HDC: variants seen among roughly 807,000 people sequenced by gnomAD.
The protein encoded by HDC is histidine decarboxylase.
HDC carries 27 observed loss-of-function variants against 64.4 expected under a neutral mutation model. The ratio of observed to expected loss-of-function variants is 0.42; its 90% CI spans 0.31 to 0.58. The LOEUF is 0.58. Among genes scored for constraint, HDC ranks in the 20% least tolerant of loss-of-function variants. The pLI is 0.16. For missense variants in HDC, 711 were observed against 833.9 expected (o/e 0.85, Z 1.81); for synonymous variants, 305 against 314.2 (o/e 0.97, Z 0.31).
At chr15:50,250,511 T>C (rs998304642) in intron 9 of HDC, among the ~76,000 whole-genome samples, 4 of 152,124 alleles carry the variant, frequency 2.6e-5, no homozygotes, top group Non-Finnish European at 5.9e-5. Flanking sequence ...GAGAGCACTG[T>C]AAAATCTCCA....
intron 9 of HDC, among the ~76,000 whole-genome samples, chr15:50,250,569 T>C (rs144086709): frequency 6.6e-6 from 1 of 152,138 alleles, no homozygotes; most frequent in Non-Finnish European, 1.5e-5. Context: ...CTGTGGTAAA[T>C]GAATTTAAAC....
chr15:50,257,356 A>G, intron 4 of HDC, 69 bp downstream of exon 4: 1 of 1,601,572 alleles, frequency 6.2e-7, no homozygotes, highest in Non-Finnish European at 8.6e-7. Flanking sequence ...GAGAATTGCC[A>G]GGTTAGGGTT....
At chr15:50,253,987 T>C in intron 6 of HDC, 143 bp downstream of exon 6, 1 of 848,176 alleles carries the variant, frequency 1.2e-6, no homozygotes, top group Non-Finnish European at 2.0e-6. Context: ...CACCTATGGA[T>C]AGCACCTCAT....
chr15:50,254,412 C>G, intron 5 of HDC, 118 bp downstream of exon 5: 1 of 1,529,786 alleles, frequency 6.5e-7, no homozygotes, highest in Non-Finnish European at 9.0e-7. Context: ...AGACAAGCTC[C>G]CATGTCTGAG....
chr15:50,249,966 A>G (rs1382310506), intron 9 of HDC, among the ~76,000 whole-genome samples: 1 of 152,226 alleles, frequency 6.6e-6, no homozygotes, highest in Non-Finnish European at 1.5e-5. Flanking sequence ...ATAAAGCCTG[A>G]CAGGGCTCTT....
chr15:50,257,316 G>A (rs2045644710), intron 4 of HDC, 109 bp downstream of exon 4: 1 of 1,356,668 alleles, frequency 7.4e-7, no homozygotes, highest in Non-Finnish European at 1.0e-6. Context: ...GACGGTGTGG[G>A]TAATGTGGGG....
intron 4 of HDC, among the ~76,000 whole-genome samples, chr15:50,256,666 G>T (rs2045636502): frequency 6.6e-6 from 1 of 152,192 alleles, no homozygotes; most frequent in African/African-American, 2.4e-5. Context: ...GATTACAGGG[G>T]TGAGTCACCA....
intron 4 of HDC, among the ~76,000 whole-genome samples, chr15:50,256,587 A>G (rs1301714042): frequency 1.3e-5 from 2 of 152,076 alleles, no homozygotes; most frequent in Non-Finnish European, 1.5e-5. Flanking sequence ...AGGTTTCACC[A>G]TGTTGCCCAG....
intron 1 of HDC, among the ~76,000 whole-genome samples, chr15:50,264,491 G>T (rs1185552893): frequency 2.0e-5 from 3 of 152,072 alleles, no homozygotes; most frequent in Non-Finnish European, 4.4e-5. Context: ...GAACATATGA[G>T]TAAGGAAGGA....
chr15:50,242,557 C>T lies in HDC; in HGVS notation c.1692G>A (p.Lys564=). The T allele has an allele frequency of 1.9e-6, 3 of 1,614,168 alleles. No homozygotes were observed. Among genetic ancestry groups the T allele is most frequent in the Non-Finnish European group, 2.5e-6 (3 of 1,180,026 alleles). Residue 564 remains lysine (K), a synonymous_variant, in exon 12 of 12, where the codon AAG becomes AAA. Coordinates refer to ENST00000267845, the MANE Select transcript of HDC (RefSeq NM_002112.4). The part of the protein sequence containing the change: ...SEEAPDATKH[K]LSSFLFSYLS... The stretch of plus-strand genomic sequence containing the variant: ...AGTAACTGAACAGGAAGGAGGACAG[C>T]TTGTGCTTGGTGGCATCTGGGGCCT...
At position 50,248,179 on chromosome 15, in the gene HDC, C is replaced by T. The variant is rs1320204195; in HGVS notation, c.1140+66G>A. The T allele has an allele frequency of 7.6e-6, 9 of 1,182,710 alleles. No homozygotes were observed. In the Admixed American group the frequency reaches 1.6e-4, roughly 21 times the overall value. 73.3% of individuals were successfully genotyped at this position (1,182,710 alleles called of 1,614,324 possible). A position where few individuals can be genotyped will look rare whatever the true frequency, so the allele number is the denominator to read the frequency against. ...CTAGGCAGATCTGCAAAGTAGAAAC[C>T]AGCCTTCCTCGCCATGAGAAAACAG... is the stretch of plus-strand genomic sequence containing the variant. On this transcript the variant is annotated intron_variant, in intron 10 of 11. Coordinates refer to ENST00000267845, the MANE Select transcript of HDC (RefSeq NM_002112.4). This position sits in a 1 kb window ranked among gnomAD's most constrained non-coding sequence, Gnocchi z 4.3.
In HDC at chr15:50,242,986, T is replaced by G. The variant is rs764517146; in HGVS notation, c.1263A>C (p.Glu421Asp). ...FRLKGPNCLTENVLKEIAKAG... is the reference protein window; with the variant it reads ...FRLKGPNCLTDNVLKEIAKAG... ...CTTTAGCTATTTCCTTTAACACATT[T>G]TCTGTGAGACAATTAGGACCCTGTT... Residue 421 changes from glutamate to aspartate, a missense_variant, in exon 12 of 12, where the codon GAA becomes GAC. By Grantham distance (45) the Glu-to-Asp change is conservative (BLOSUM62 2). This residue lies in a region of HDC where 483 missense variants were observed against 540.9 expected (regional missense o/e 0.89). Coordinates refer to ENST00000267845, the MANE Select transcript of HDC (RefSeq NM_002112.4). The G allele has an allele frequency of 3.1e-6, 5 of 1,614,080 alleles. No individual in the cohort carries two copies. In the South Asian group the frequency reaches 5.5e-5, roughly 18 times the overall value.
rs2045506378 is a variant in HDC, at chr15:50,248,144, C to T, written c.1140+101G>A. The stretch of plus-strand genomic sequence containing the variant: ...AGGCCCAGACACCTGAACCACACAC[C>T]GCAAGTCTCCTAGGCAGATCTGCAA... On this transcript the variant is annotated intron_variant, in intron 10 of 11. Transcript: ENST00000267845. The surrounding 1 kb of genome is among the most constrained non-coding windows in gnomAD (Gnocchi z 4.3). The T allele has an allele frequency of 7.5e-6, 6 of 803,254 alleles. No individual in the cohort carries two copies. Among genetic ancestry groups the T allele is most frequent in the African/African-American group, 1.7e-5 (1 of 59,228 alleles). 49.8% of individuals were successfully genotyped at this position (803,254 alleles called of 1,614,324 possible).
At position 50,242,031 on chromosome 15, in the gene HDC, G is replaced by T; in HGVS notation, c.*229C>A. On this transcript the variant is annotated 3_prime_UTR_variant, in exon 12 of 12. Transcript: ENST00000267845. The stretch of plus-strand genomic sequence containing the variant: ...CCACAGAAGCTGCCTGTCTACCCTC[G>T]GCCCTTTCTCACTGACCAGACTGCT... 1 of 588,108 alleles carries T rather than the reference G, an allele frequency of 1.7e-6. No individual in the cohort carries two copies. Among genetic ancestry groups the T allele is most frequent in the South Asian group, 2.1e-5 (1 of 47,312 alleles). 36.4% of individuals were successfully genotyped at this position (588,108 alleles called of 1,614,324 possible). A position where few individuals can be genotyped will look rare whatever the true frequency, so the allele number is the denominator to read the frequency against.
rs2045599346 is a variant in HDC at position 50,254,413 on chromosome 15, C to T, written c.576+117G>A. ...CCTACAGTTGCTGGAGACAAGCTCC[C>T]ATGTCTGAGCTGCTCAGAACCCCAG... On this transcript the variant is annotated intron_variant, in intron 5 of 11. Transcript: ENST00000267845. The T allele has an allele frequency of 3.3e-6, 5 of 1,529,466 alleles. No homozygotes were observed. In the East Asian group the frequency reaches 1.1e-4, roughly 34 times the overall value. The allele number at this position is 1,529,466 out of a possible 1,614,324, so 94.7% of individuals were successfully genotyped here. A position where few individuals can be genotyped will look rare whatever the true frequency, so the allele number is the denominator to read the frequency against.
chr15:50,256,305 C>T (rs902174606), intron 4 of HDC, among the ~76,000 whole-genome samples: 2 of 152,188 alleles, frequency 1.3e-5, no homozygotes, highest in Non-Finnish European at 2.9e-5. Flanking sequence ...TTTAATCTTG[C>T]TGCAAGGCTG....
In HDC at chr15:50,243,257, G is replaced by A. The variant is rs563597686; in HGVS notation, c.1141-13C>T. 13 of 1,494,892 alleles carry A rather than the reference G, an allele frequency of 8.7e-6. No homozygotes were observed. Among genetic ancestry groups the A allele is most frequent in the East Asian group, 2.3e-5 (1 of 44,394 alleles). 92.6% of individuals were successfully genotyped at this position (1,494,892 alleles called of 1,614,324 possible). A position where few individuals can be genotyped will look rare whatever the true frequency, so the allele number is the denominator to read the frequency against. On this transcript the variant is annotated splice_polypyrimidine_tract_variant and intron_variant, in intron 10 of 11. Transcript: ENST00000267845. ...CCATTTCAGTACCCTGGAATTGCAA[G>A]TATAAAGAGAACTGAGATTAATCAT...
At chr15:50,249,401 T>C (rs2045524816) in intron 9 of HDC, among the ~76,000 whole-genome samples, 2 of 152,230 alleles carry the variant, frequency 1.3e-5, no homozygotes, top group Admixed American at 1.3e-4. Context: ...CACTGCGTAT[T>C]TATCTGCCCA....
intron 2 of HDC, among the ~76,000 whole-genome samples, chr15:50,259,251 T>C (rs2045672123): frequency 6.6e-6 from 1 of 152,192 alleles, no homozygotes; most frequent in Admixed American, 6.5e-5. Context: ...CTTTTGTTTT[T>C]GTTTTATGGA....
Sources: gnomAD v4.1 joint callset for allele counts (sites outside exome capture counted in the v4.1 genomes callset) on GRCh38, gnomAD v4.1.1 for gene constraint, gnomAD v4.1.1 regional missense constraint, Gnocchi (gnomAD v3.1) non-coding constraint, MANE v1.5 for transcripts, NCBI Gene and HGNC (gene_info 2026-07-23, HGNC 2026-07-21) for gene names.